ITIH6: variants seen among roughly 807,000 people sequenced by gnomAD.
The protein encoded by ITIH6 is inter-alpha-trypsin inhibitor heavy chain family member 6, also known as inter-alpha-trypsin inhibitor heavy chain H6.
A neutral mutation model predicts 58.2 loss-of-function variants in ITIH6; 60 were observed. The ratio of observed to expected loss-of-function variants is 1.03; its 90% CI spans 0.84 to 1.28. The LOEUF (loss-of-function observed/expected upper bound fraction) is 1.28. Among genes scored for constraint, ITIH6 ranks in the 50% most tolerant of loss-of-function variants. The pLI is 0.00. For synonymous variants in ITIH6, 493 were observed against 417.4 expected (o/e 1.18, Z -2.21); for missense variants, 1,290 against 1,021.1 (o/e 1.26, Z -3.59).
intron 5 of ITIH6, among the ~76,000 whole-genome samples, chrX:54,783,861 A>G (rs1414890945): frequency 8.9e-6 from 1 of 112,216 alleles, no homozygotes; most frequent in Non-Finnish European, 1.9e-5. Context: ...GGAACCAGAA[A>G]AGACCCAGAA....
rs1346331240 is a variant in ITIH6 at position 54,750,100 on chromosome X, A to T, written c.3737T>A (p.Phe1246Tyr). The change falls in exon 13 of 13, where the codon TTC (phenylalanine) becomes TAC (tyrosine). Residue 1246 changes from phenylalanine to tyrosine, a missense_variant. Transcript: ENST00000218436. ...SPSARGLIGQ[F>Y]QHADIRLVTG... ...CACCAGTCGGATGTCTGCGTGCTGGAACTGCCCTGAGGGAGAGAGATGCAG... is the reference window on the plus strand; with the variant it reads ...CACCAGTCGGATGTCTGCGTGCTGGTACTGCCCTGAGGGAGAGAGATGCAG... The T allele has an allele frequency of 8.3e-7, 1 of 1,202,915 alleles. No individual in the cohort carries two copies. Among genetic ancestry groups the T allele is most frequent in the South Asian group, 1.8e-5 (1 of 55,587 alleles).
intron 6 of ITIH6, among the ~76,000 whole-genome samples, chrX:54,771,927 A>G (rs1409145049): frequency 8.9e-6 from 1 of 112,037 alleles, no homozygotes; most frequent in Non-Finnish European, 1.9e-5. Flanking sequence ...ACCATTGTGG[A>G]AGACAGTGTG....
rs1221536747 is a variant in ITIH6, at chrX:54,759,808, G to A, written c.1023C>T (p.Ile341=). The change falls in exon 7 of 13, where the codon ATC becomes ATT. Residue 341 remains isoleucine (I), a synonymous_variant. Coordinates refer to ENST00000218436, the MANE Select transcript of ITIH6 (RefSeq NM_198510.3). ...WKAGGSIQAT[I]QNVHSAKDYL... is the part of the protein sequence containing the mutation. ...AGTCCTTGGCACTGTGGACATTCTG[G>A]ATGGTGGCCTGGATTGAGCCTCCAG... The A allele has an allele frequency of 2.5e-6, 3 of 1,211,193 alleles. No homozygotes were observed. The highest frequency in any genetic ancestry group is 3.4e-6 in the Non-Finnish European group (3 of 894,965).
intron 9 of ITIH6, 30 bp from the exon 10 acceptor site, chrX:54,753,995 A>C (rs1928432740): frequency 8.4e-7 from 1 of 1,188,913 alleles, no homozygotes; most frequent in Non-Finnish European, 1.1e-6. Context: ...TGTGTTGGGA[A>C]GGGACTAATG....
chrX:54,755,409 C>G (rs1342049900), intron 8 of ITIH6, among the ~76,000 whole-genome samples: 1 of 112,018 alleles, frequency 8.9e-6, no homozygotes, highest in Non-Finnish European at 1.9e-5. Flanking sequence ...TGGTGAAGCT[C>G]ATAGTTTAGT....
chrX:54,758,182 T>C lies in ITIH6; in HGVS notation c.1892A>G (p.Asp631Gly), dbSNP rs746167734. ...RRQTSTSAGP[D>G]TIMPSSSSRH... ...GCTGCTGGATGAGGGCATGATGGTG[T>C]CTGGCCCAGCAGAGGTGGAAGTCTG... is the stretch of plus-strand genomic sequence containing the variant. Residue 631 changes from aspartate (D) to glycine (G), a missense_variant, in exon 8 of 13, where the codon GAC becomes GGC. By Grantham distance (94) the Asp-to-Gly change is moderately conservative. Coordinates refer to ENST00000218436, the MANE Select transcript of ITIH6 (RefSeq NM_198510.3). The C allele has an allele frequency of 8.3e-7, 1 of 1,209,627 alleles. No individual in the cohort carries two copies.
chrX:54,750,054 G>A lies in ITIH6; in HGVS notation c.3783C>T (p.Cys1261=). 4.1e-6 allele frequency: 5 copies of A among 1,211,166 alleles called. No individual in the cohort carries two copies. The highest frequency in any genetic ancestry group is 5.6e-6 in the Non-Finnish European group (5 of 895,061). The change falls in exon 13 of 13, where the codon TGC becomes TGT. Residue 1261 remains cysteine (C), a synonymous_variant. Transcript: ENST00000218436. The part of the protein sequence containing the change: ...IRLVTGPMGP[C]LRRHHGPDVP... ...CATCTGGGCCATGGTGCCTTCGTAA[G>A]CATGGCCCCATAGGTCCTGTCACCA...
rs924025929 is a variant in ITIH6, at chrX:54,751,065, G to A, written c.3668C>T (p.Pro1223Leu). The change falls in exon 12 of 13, where the codon CCC (proline) becomes CTC (leucine). Residue 1223 changes from proline to leucine, a missense_variant. Transcript: ENST00000218436. ...RYRHPSTLQL[P>L]HLGFYVANGS... is the part of the protein sequence containing the mutation. ...ATTGGCCACGTAGAACCCCAGGTGG[G>A]GTAGTTGCAGGGTACTGGGATGCCT... is the stretch of plus-strand genomic sequence containing the variant. 1 of 1,195,497 alleles carries A rather than the reference G, an allele frequency of 8.4e-7. No individual in the cohort carries two copies. The highest frequency in any genetic ancestry group is 1.1e-6 in the Non-Finnish European group (1 of 887,203).
intron 6 of ITIH6, among the ~76,000 whole-genome samples, chrX:54,760,304 C>T (rs1482589070): frequency 2.7e-5 from 3 of 111,492 alleles, no homozygotes; most frequent in African/African-American, 3.3e-5. Flanking sequence ...TCCATCATCA[C>T]GAAAGTCATA....
chrX:54,768,704 G>A (rs1177148461), intron 6 of ITIH6, among the ~76,000 whole-genome samples: 4 of 104,112 alleles, frequency 3.8e-5, no homozygotes, highest in Non-Finnish European at 7.8e-5. Flanking sequence ...TTGAATATTG[G>A]CCCCCACTCT....
At chrX:54,761,487 A>G (rs1189009037) in intron 6 of ITIH6, among the ~76,000 whole-genome samples, 2 of 110,872 alleles carry the variant, frequency 1.8e-5, no homozygotes, top group African/African-American at 3.3e-5. Context: ...ATTGCTTTTG[A>G]TGTTTTAGAC....
At chrX:54,756,809 AAAGCAAGCAAGC>A (rs555076681) in intron 8 of ITIH6, among the ~76,000 whole-genome samples, 144 bp downstream of exon 8, 28 of 108,048 alleles carry the variant, frequency 2.6e-4, no homozygotes, top group Middle Eastern at 4.8e-3. Context: ...CCAAAGTCCC[AAAGCAAGCAAGC>A]AAGCAAGCAA....
chrX:54,779,871 C>T (rs1290042809), intron 5 of ITIH6, among the ~76,000 whole-genome samples: 1 of 110,232 alleles, frequency 9.1e-6, no homozygotes. Context: ...CCAGTGGAAA[C>T]AAACAAAAAA....
Position 54,755,080 on chromosome X carries a change from C to T in ITIH6, c.3139G>A (p.Glu1047Lys). 8.3e-7 allele frequency: 1 copy of T among 1,210,240 alleles called. No individual in the cohort carries two copies. The highest frequency in any genetic ancestry group is 1.1e-6 in the Non-Finnish European group (1 of 894,373). The change falls in exon 9 of 13, where the codon GAG becomes AAG. Residue 1047 changes from glutamate (E) to lysine (K), a missense_variant. Coordinates refer to ENST00000218436, the MANE Select transcript of ITIH6 (RefSeq NM_198510.3). ...GSPNWDGNSE[E>K]ILGGAGGSME... Reference sequence around the variant, plus strand: ...CTGCCTCCAGCTCCTCCCAGGATCTCCTCAGAATTGCCATCCCAGTTTGGA... The same window carrying T: ...CTGCCTCCAGCTCCTCCCAGGATCTTCTCAGAATTGCCATCCCAGTTTGGA...
Position 54,768,455 on chromosome X carries a change from G to C in ITIH6, c.903+5626C>G, listed in dbSNP as rs1327676953. 3.5e-5 allele frequency among the ~76,000 whole-genome samples: 3 copies of C among 84,752 alleles called. No homozygotes were observed. In the East Asian group the frequency reaches 1.1e-3, roughly 31 times the overall value. 73.6% of individuals were successfully genotyped at this position (84,752 alleles called of 115,157 possible). A position where few individuals can be genotyped will look rare whatever the true frequency, so the allele number is the denominator to read the frequency against. ...CATTATGATGTTAGCTGGTGATTTT[G>C]CTCGTTAGTTGATGCAGTTTCTTCC... On this transcript the variant is annotated intron_variant, in intron 6 of 12. Coordinates refer to ENST00000218436, the MANE Select transcript of ITIH6 (RefSeq NM_198510.3).
intron 6 of ITIH6, among the ~76,000 whole-genome samples, chrX:54,768,934 A>G (rs1420942989): frequency 9.2e-6 from 1 of 109,264 alleles, no homozygotes; most frequent in South Asian, 3.9e-4. Flanking sequence ...CTGCCTTGCT[A>G]GATTGGGGAA....
At chrX:54,760,344 C>T (rs1928608293) in intron 6 of ITIH6, among the ~76,000 whole-genome samples, 1 of 111,292 alleles carries the variant, frequency 9.0e-6, no homozygotes, top group African/African-American at 3.3e-5. Flanking sequence ...AAGGTTCAAG[C>T]TCCCTGTTTT....
In ITIH6 at chrX:54,759,093, G is replaced by A. The variant is rs1028407204; in HGVS notation, c.1076-95C>T. On this transcript the variant is annotated intron_variant, in intron 7 of 12. Transcript: ENST00000218436. ...ACCTCATCAACTTCCCAGGCTCACA[G>A]CTCCTTATCTTTGCTCAGGCTGTAT... The A allele has an allele frequency of 1.4e-4, 84 of 602,033 alleles. No homozygotes were observed. In the Admixed American group the frequency reaches 1.5e-3, roughly 11 times the overall value. 49.6% of individuals were successfully genotyped at this position (602,033 alleles called of 1,213,427 possible).
At chrX:54,764,413 C>T (rs1928722177) in intron 6 of ITIH6, among the ~76,000 whole-genome samples, 1 of 107,360 alleles carries the variant, frequency 9.3e-6, no homozygotes, top group African/African-American at 3.4e-5. Context: ...TCCCCCCTTC[C>T]CCCTCCCCAC....
Sources: gnomAD v4.1 joint callset for allele counts (sites outside exome capture counted in the v4.1 genomes callset) on GRCh38, gnomAD v4.1.1 for gene constraint, MANE v1.5 for transcripts, NCBI Gene and HGNC (gene_info 2026-07-23, HGNC 2026-07-21) for gene names.